RBFOX1: variants seen among roughly 807,000 people sequenced by gnomAD.
RBFOX1 encodes the protein RNA binding protein fox-1 homolog 1.
A neutral mutation model predicts 57.7 loss-of-function variants in RBFOX1; 8 were observed. The ratio of observed to expected loss-of-function variants is 0.14; its 90% CI spans 0.08 to 0.25. The LOEUF (loss-of-function observed/expected upper bound fraction) is 0.25. RBFOX1 is among the 10% of genes least tolerant of loss of function. The pLI is 1.00. For synonymous variants in RBFOX1, 326 were observed against 222.4 expected, an observed-to-expected ratio of 1.47 and a Z score of -4.15; for missense variants, 611 against 548.5, an observed-to-expected ratio of 1.11 and a Z score of -1.14.
chr16:6,471,147 A>G (rs116310642), intron 2 of RBFOX1, among the ~76,000 whole-genome samples: 151 of 152,144 alleles, frequency 9.9e-4, no homozygotes, highest in African/African-American at 3.5e-3. Flanking sequence ...AACCCTTTCC[A>G]TCAGTTCACC....
chr16:6,891,096 C>G (rs939898316), intron 3 of RBFOX1, among the ~76,000 whole-genome samples: 3 of 152,156 alleles, frequency 2.0e-5, no homozygotes, highest in Admixed American at 6.5e-5. Flanking sequence ...AGGCGTTCTT[C>G]CAATATCCAT....
rs180774559 is a variant in RBFOX1, at chr16:5,354,783, T to G, written c.220-112433T>G. On this transcript the variant is annotated intron_variant, in intron 1 of 2. Transcript: ENST00000585867. ...AGGTACCAGGGCAGGCTGGAGGGAG[T>G]GGAGACACCACCTGCATCTCAGGGG... Among the ~76,000 whole-genome samples, 9 of 152,122 alleles carry G rather than the reference T, an allele frequency of 5.9e-5. No individual in the cohort carries two copies. In the East Asian group the frequency reaches 1.7e-3, roughly 29 times the overall value.
chr16:6,396,541 AG>A (rs1248522949), intron 2 of RBFOX1, among the ~76,000 whole-genome samples: 1 of 152,212 alleles, frequency 6.6e-6, no homozygotes, highest in Non-Finnish European at 1.5e-5. Flanking sequence ...GCCCGTGGGA[AG>A]CCATAGCTGG....
chr16:5,688,304 GA>G lies in RBFOX1; in HGVS notation c.318+89349del, dbSNP rs1235557973. On this transcript the variant is annotated intron_variant, in intron 3 of 19. Transcript: ENST00000641259. ...TTTGTTAGTCAGAAATGATCCTTAAGAAAAAAGCATTTTTTGCATTGCAACA... is the reference window on the plus strand; with the variant it reads ...TTTGTTAGTCAGAAATGATCCTTAAGAAAAAGCATTTTTTGCATTGCAACA... 5.9e-5 allele frequency among the ~76,000 whole-genome samples: 9 copies of G among 152,218 alleles called. No individual in the cohort carries two copies. The East Asian group carries it at 1.7e-3, about 29-fold the overall frequency.
chr16:6,889,509 G>A (rs2064922768), intron 3 of RBFOX1, among the ~76,000 whole-genome samples: 2 of 152,202 alleles, frequency 1.3e-5, no homozygotes, highest in South Asian at 2.1e-4. Flanking sequence ...TGAGCTGTGT[G>A]TTGGGTTCTT....
intron 5 of RBFOX1, among the ~76,000 whole-genome samples, chr16:7,552,648 C>T (rs1449356232): frequency 6.6e-6 from 1 of 152,094 alleles, no homozygotes; most frequent in African/African-American, 2.4e-5. Context: ...TTCCGACACC[C>T]ATTCTTTGTT....
chr16:7,040,002 T>TTTA (rs34770685), intron 3 of RBFOX1, among the ~76,000 whole-genome samples: 63,738 of 148,528 alleles, frequency 0.43, 15,338 homozygotes, highest in East Asian at 0.58. Flanking sequence ...GGGGAGTTAT[T>TTTA]TTATTATTAT....
chr16:6,960,361 A>G (rs541490615), intron 3 of RBFOX1, among the ~76,000 whole-genome samples: 19 of 152,296 alleles, frequency 1.2e-4, no homozygotes, highest in South Asian at 1.2e-3. Context: ...TAGAAGCTGT[A>G]TAAGCTCTGG....
At chr16:5,270,595 T>C in intron 1 of RBFOX1, 1 of 583,728 alleles carries the variant, frequency 1.7e-6, no homozygotes, top group South Asian at 1.6e-5. Context: ...TTTGTGTTGG[T>C]TTTACCAAAA....
In RBFOX1 at chr16:6,639,026, G is replaced by A. The variant is rs562037708; in HGVS notation, c.-63-15577G>A. 9.0e-4 allele frequency among the ~76,000 whole-genome samples: 137 copies of A among 152,302 alleles called. 1 individual carries two copies. Among genetic ancestry groups the A allele is most frequent in the African/African-American group, 3.0e-3 (125 of 41,572 alleles). ...GAATCCTGAAAGTATCAGTTTCCAA[G>A]GAGACCTGTGGCCCCACCCAGCCAC... is the stretch of plus-strand genomic sequence containing the variant. On this transcript the variant is annotated intron_variant, in intron 2 of 15. Coordinates refer to ENST00000550418, the MANE Select transcript of RBFOX1 (RefSeq NM_018723.4).
intron 2 of RBFOX1, among the ~76,000 whole-genome samples, chr16:6,541,470 C>G (rs8047133): frequency 0.46 from 69,931 of 152,042 alleles, 16,568 homozygotes; most frequent in East Asian, 0.73. Flanking sequence ...ATAGGTAAGT[C>G]AGTGATCTGC....
chr16:6,618,941 A>G (rs768739237), intron 2 of RBFOX1, among the ~76,000 whole-genome samples: 29 of 152,186 alleles, frequency 1.9e-4, no homozygotes, highest in Non-Finnish European at 3.4e-4. Flanking sequence ...TAGGGTGAAA[A>G]CACATCACAG....
intron 4 of RBFOX1, among the ~76,000 whole-genome samples, chr16:7,388,408 T>C (rs890640274): frequency 3.9e-5 from 6 of 152,204 alleles, no homozygotes; most frequent in Non-Finnish European, 8.8e-5. Flanking sequence ...ATTTAAAATC[T>C]GTAGAGTGAA....
intron 1 of RBFOX1, among the ~76,000 whole-genome samples, chr16:6,102,351 ATC>A (rs2096322724): frequency 6.6e-6 from 1 of 152,178 alleles, no homozygotes; most frequent in Non-Finnish European, 1.5e-5. Flanking sequence ...CTAAGAAATT[ATC>A]TTTAACACTG....
chr16:5,831,260 A>G (rs1408771510), intron 3 of RBFOX1, among the ~76,000 whole-genome samples: 1 of 151,866 alleles, frequency 6.6e-6, no homozygotes, highest in African/African-American at 2.4e-5. Flanking sequence ...GCCCTTAGTG[A>G]TGAGTGAGTG....
intron 2 of RBFOX1, among the ~76,000 whole-genome samples, chr16:6,322,865 G>A (rs2081970488): frequency 6.6e-6 from 1 of 152,150 alleles, no homozygotes; most frequent in Non-Finnish European, 1.5e-5. Flanking sequence ...GCTGCATTTA[G>A]AGTCTGTGGT....
At chr16:5,889,772 T>C in intron 4 of RBFOX1, among the ~76,000 whole-genome samples, 1 of 152,216 alleles carries the variant, frequency 6.6e-6, no homozygotes, top group East Asian at 1.9e-4. Context: ...AACTAATGTT[T>C]TGATCAAGGC....
At chr16:7,182,581 A>G (rs1276272795) in intron 4 of RBFOX1, among the ~76,000 whole-genome samples, 2 of 152,204 alleles carry the variant, frequency 1.3e-5, no homozygotes, top group African/African-American at 4.8e-5. Flanking sequence ...AAGAACAGAA[A>G]CCCAGTTTAG....
chr16:5,573,968 G>C (rs1477876065), intron 2 of RBFOX1, among the ~76,000 whole-genome samples: 1 of 151,984 alleles, frequency 6.6e-6, no homozygotes, highest in Non-Finnish European at 1.5e-5. Flanking sequence ...GGAAAAAGAA[G>C]AAAAAGAAAA....
Sources: gnomAD v4.1 joint callset for allele counts (sites outside exome capture counted in the v4.1 genomes callset) on GRCh38, gnomAD v4.1.1 for gene constraint, MANE v1.5 for transcripts, NCBI Gene and HGNC (gene_info 2026-07-23, HGNC 2026-07-21) for gene names.